The following ARAP2 variants were observed in gnomAD, a reference collection of about 807,000 sequenced individuals.
The protein encoded by ARAP2 is ArfGAP with RhoGAP domain, ankyrin repeat and PH domain 2, also known as arf-GAP with Rho-GAP domain, ANK repeat and PH domain-containing protein 2.
ARAP2 carries 148 observed loss-of-function variants against 194.5 expected under a neutral mutation model. That is an observed-to-expected ratio of 0.76 (90% confidence interval 0.67 to 0.87). The LOEUF is 0.87. Ranked by LOEUF, ARAP2 falls within the 40% of genes least tolerant of loss-of-function variation. The probability of loss-of-function intolerance (pLI) is 0.00; values close to 1 mark genes in which losing one functional copy is unlikely to be tolerated. For missense variants in ARAP2, 2,128 were observed against 1,989.7 expected (o/e 1.07, Z -1.32); for synonymous variants, 695 against 683.5 (o/e 1.02, Z -0.26).
chr4:36,014,338 GAA>G (rs1266492401), intron 8 of ARAP2, among the ~76,000 whole-genome samples: 6 of 97,942 alleles, frequency 6.1e-5, no homozygotes, highest in African/African-American at 1.6e-4. Context: ...AAGAAAGAAA[GAA>G]AGAAAGAAAG....
At chr4:36,212,964 T>A (rs894559805) in intron 4 of ARAP2, among the ~76,000 whole-genome samples, 1 of 152,086 alleles carries the variant, frequency 6.6e-6, no homozygotes, top group African/African-American at 2.4e-5. Flanking sequence ...TTAAGTTTTA[T>A]ACAGTTTGTC....
chr4:36,232,848 G>C (rs1489498141), intron 1 of ARAP2, among the ~76,000 whole-genome samples: 5 of 152,220 alleles, frequency 3.3e-5, no homozygotes, highest in Admixed American at 3.3e-4. Flanking sequence ...TGGCAGAAGA[G>C]ATTGAGAAGC....
intron 4 of ARAP2, 105 bp from the exon 5 acceptor site, chr4:36,212,592 G>C (rs1432223569): frequency 1.4e-5 from 9 of 653,514 alleles, no homozygotes; most frequent in Non-Finnish European, 2.0e-5. Flanking sequence ...TAATATCTGA[G>C]TTTAGTTTTA....
intron 23 of ARAP2, among the ~76,000 whole-genome samples, chr4:36,119,998 T>C (rs759351978): frequency 4.0e-5 from 6 of 151,554 alleles, no homozygotes; most frequent in Non-Finnish European, 8.9e-5. Context: ...ATCTGATGAC[T>C]GGCTTAAGTT....
chr4:36,031,020 C>T (rs1718857227), intron 5 of ARAP2, among the ~76,000 whole-genome samples: 2 of 152,130 alleles, frequency 1.3e-5, no homozygotes, highest in African/African-American at 4.8e-5. Context: ...GTCCCAGCTA[C>T]TCGGGAGGCT....
intron 2 of ARAP2, chr4:36,057,892 AT>A (rs1243710825): frequency 6.6e-6 from 1 of 150,598 alleles, no homozygotes; most frequent in East Asian, 2.0e-4. Context: ...ATTGTCTTGA[AT>A]TTTTTTCCTT....
chr4:36,202,837 G>C (rs577667075), intron 6 of ARAP2, among the ~76,000 whole-genome samples: 1 of 152,310 alleles, frequency 6.6e-6, no homozygotes, highest in East Asian at 1.9e-4. Context: ...ACACTGACCA[G>C]AGAAGTCGAG....
At chr4:36,166,399 TTAG>T (rs1735297236) in intron 10 of ARAP2, among the ~76,000 whole-genome samples, 1 of 152,080 alleles carries the variant, frequency 6.6e-6, no homozygotes, top group South Asian at 2.1e-4. Context: ...AATGATGCAA[TTAG>T]TAGAATACCA....
chr4:36,134,150 A>ATAT (rs752817834), intron 19 of ARAP2, among the ~76,000 whole-genome samples: 1 of 151,800 alleles, frequency 6.6e-6, no homozygotes, highest in Non-Finnish European at 1.5e-5. Context: ...GGCAAAATAA[A>ATAT]TATAATAATA....
chr4:36,202,122 C>T (rs1210274442), intron 6 of ARAP2, among the ~76,000 whole-genome samples: 1 of 152,178 alleles, frequency 6.6e-6, no homozygotes, highest in Non-Finnish European at 1.5e-5. Flanking sequence ...ATTCCCTCCT[C>T]TAACCCTAAC....
chr4:36,121,165 T>C lies in ARAP2; in HGVS notation c.3894+14A>G, dbSNP rs767470764. ...TATAACCATTTTAACAAGGGCAGGA[T>C]ACAAAATAATTACCTCAAATATTTC... On this transcript the variant is annotated intron_variant, in intron 23 of 32. Transcript: ENST00000303965. The C allele has an allele frequency of 6.4e-7, 1 of 1,570,782 alleles. No individual in the cohort carries two copies. The highest frequency in any genetic ancestry group is 8.7e-7 in the Non-Finnish European group (1 of 1,152,522).
intron 28 of ARAP2, among the ~76,000 whole-genome samples, chr4:36,085,383 T>C (rs1730577377): frequency 6.6e-6 from 1 of 152,084 alleles, no homozygotes; most frequent in Non-Finnish European, 1.5e-5. Context: ...TTTTTATATA[T>C]ACAGTATAAA....
chr4:36,222,980 G>A (rs190863515), intron 2 of ARAP2, among the ~76,000 whole-genome samples: 28 of 151,984 alleles, frequency 1.8e-4, no homozygotes, highest in Admixed American at 1.7e-3. Context: ...CTTCATCCTT[G>A]TATTGCACTC....
At chr4:36,221,048 C>T (rs1318029374) in intron 2 of ARAP2, among the ~76,000 whole-genome samples, 1 of 151,984 alleles carries the variant, frequency 6.6e-6, no homozygotes, top group Non-Finnish European at 1.5e-5. Context: ...ATATTTACAC[C>T]ATATTTTTAC....
intron 1 of ARAP2, among the ~76,000 whole-genome samples, chr4:36,241,945 T>C (rs577646210): frequency 1.1e-4 from 16 of 152,330 alleles, no homozygotes; most frequent in Non-Finnish European, 2.4e-4. Flanking sequence ...AAGCTTGTGC[T>C]GAACAGAAAC....
chr4:36,168,133 G>A (rs1377582629), intron 9 of ARAP2, among the ~76,000 whole-genome samples: 3 of 152,050 alleles, frequency 2.0e-5, no homozygotes, highest in African/African-American at 4.8e-5. Context: ...TAAAAGAAGT[G>A]TATTCTCCTC....
intron 27 of ARAP2, among the ~76,000 whole-genome samples, chr4:36,104,444 C>T (rs1717839475): frequency 1.3e-5 from 2 of 151,906 alleles, no homozygotes; most frequent in South Asian, 2.1e-4. Flanking sequence ...GGAGCAATAA[C>T]TCTGGAGTAG....
Position 36,121,654 on chromosome 4 carries a change from C to T in ARAP2, c.3747-328G>A, listed in dbSNP as rs73806470. Among the ~76,000 whole-genome samples, 814 of 151,534 alleles carry T rather than the reference C, an allele frequency of 5.4e-3. 11 individuals are homozygous for T. The highest frequency in any genetic ancestry group is 0.019 in the African/African-American group (768 of 41,398). On this transcript the variant is annotated intron_variant, in intron 22 of 32. Coordinates refer to ENST00000303965, the MANE Select transcript of ARAP2 (RefSeq NM_015230.4). Reference sequence around the variant, plus strand: ...GTATAGAAGTATGCTTGCAGAATGGCGTAAAATGACTTGTGGGGCTGCAGC... The same window carrying T: ...GTATAGAAGTATGCTTGCAGAATGGTGTAAAATGACTTGTGGGGCTGCAGC...
intron 19 of ARAP2, among the ~76,000 whole-genome samples, chr4:36,138,475 C>G (rs1578033031): frequency 6.6e-6 from 1 of 151,748 alleles, no homozygotes; most frequent in East Asian, 1.9e-4. Flanking sequence ...CAGTATTACT[C>G]TTTTGTGTCT....
Sources: gnomAD v4.1 joint callset for allele counts (sites outside exome capture counted in the v4.1 genomes callset) on GRCh38, gnomAD v4.1.1 for gene constraint, MANE v1.5 for transcripts, NCBI Gene and HGNC (gene_info 2026-07-23, HGNC 2026-07-21) for gene names.